Variants in PCDH15 observed in about 807,000 individuals in gnomAD.
PCDH15 encodes protocadherin-15.
Under a neutral mutation model 178.5 loss-of-function variants are expected in PCDH15, and 129 were observed. That is an observed-to-expected ratio of 0.72 (90% CI 0.63 to 0.84). The LOEUF is 0.84. Ranked by LOEUF, PCDH15 falls within the 40% of genes least tolerant of loss-of-function variation. The pLI, the probability that PCDH15 is intolerant of heterozygous loss-of-function variation, is 0.00. For missense variants in PCDH15, 2,230 were observed against 2,099.9 expected (o/e 1.06, Z -1.21); for synonymous variants, 800 against 732.0 (o/e 1.09, Z -1.50).
At chr10:54,293,553 T>G (rs2059560318) in intron 8 of PCDH15, among the ~76,000 whole-genome samples, 1 of 152,238 alleles carries the variant, frequency 6.6e-6, no homozygotes, top group Admixed American at 6.5e-5. Context: ...GGAGACAATT[T>G]TTGCAATCTA....
chr10:55,406,590 T>A (rs578231192), intron 2 of PCDH15, among the ~76,000 whole-genome samples: 1 of 152,138 alleles, frequency 6.6e-6, no homozygotes, highest in Non-Finnish European at 1.5e-5. Context: ...ACCAGCTTTG[T>A]TGGTATCACT....
intron 1 of PCDH15, among the ~76,000 whole-genome samples, chr10:55,319,092 A>T (rs904234347): frequency 6.6e-6 from 1 of 151,936 alleles, no homozygotes; most frequent in Non-Finnish European, 1.5e-5. Context: ...CGATTCCCCT[A>T]TGGAGTAGTA....
At chr10:53,892,502 C>T (rs1053361686) in intron 26 of PCDH15, among the ~76,000 whole-genome samples, 9 of 151,344 alleles carry the variant, frequency 5.9e-5, no homozygotes, top group Non-Finnish European at 1.2e-4. Context: ...GTCCCTTCTA[C>T]AATAACAAAC....
chr10:55,392,231 G>A (rs1265414548), intron 2 of PCDH15, among the ~76,000 whole-genome samples: 8 of 152,182 alleles, frequency 5.3e-5, no homozygotes. Flanking sequence ...AAATGTGGCA[G>A]AAACATAGAG....
chr10:54,123,785 A>G (rs2041759505), intron 15 of PCDH15, among the ~76,000 whole-genome samples: 1 of 152,190 alleles, frequency 6.6e-6, no homozygotes, highest in East Asian at 1.9e-4. Context: ...CATATAAAGA[A>G]AATGTGGCAC....
chr10:54,358,825 G>T (rs1294471709), intron 5 of PCDH15, among the ~76,000 whole-genome samples: 1 of 151,952 alleles, frequency 6.6e-6, no homozygotes, highest in South Asian at 2.1e-4. Context: ...GGAATACTAT[G>T]CAGCCATAAA....
intron 3 of PCDH15, among the ~76,000 whole-genome samples, chr10:54,891,252 A>T (rs1211681190): frequency 6.6e-6 from 1 of 152,118 alleles, no homozygotes; most frequent in African/African-American, 2.4e-5. Flanking sequence ...TTTAGAGGAA[A>T]TGCTGAGAGA....
chr10:54,923,913 C>T lies in PCDH15; in HGVS notation c.-79-26413G>A, dbSNP rs1837553174. 2.9e-5 allele frequency among the ~76,000 whole-genome samples: 4 copies of T among 137,988 alleles called. 1 individual carries two copies. Among genetic ancestry groups the T allele is most frequent in the Admixed American group, 2.8e-4 (4 of 14,050 alleles). The allele number at this position is 137,988 out of a possible 152,430, so 90.5% of individuals were successfully genotyped here. On this transcript the variant is annotated intron_variant, in intron 2 of 5. Coordinates refer to the PCDH15 transcript ENST00000458638. Reference sequence around the variant, plus strand: ...TTACCCAGTTCAAAAGATGCTTCCACATTTTCAGGTATCTTTATAACAAAG... The same window carrying T: ...TTACCCAGTTCAAAAGATGCTTCCATATTTTCAGGTATCTTTATAACAAAG...
intron 2 of PCDH15, among the ~76,000 whole-genome samples, chr10:55,433,404 G>A (rs1364858813): frequency 1.3e-5 from 2 of 152,070 alleles, no homozygotes; most frequent in Non-Finnish European, 2.9e-5. Flanking sequence ...TAACAACAGC[G>A]ACCATGGCCC....
chr10:54,161,837 C>T (rs936639231), intron 13 of PCDH15, among the ~76,000 whole-genome samples: 2 of 152,048 alleles, frequency 1.3e-5, no homozygotes, highest in African/African-American at 4.8e-5. Flanking sequence ...GCTATATAAA[C>T]CCCTAATTTT....
chr10:53,812,449 G>T (rs966178741), intron 35 of PCDH15, among the ~76,000 whole-genome samples: 1 of 151,868 alleles, frequency 6.6e-6, no homozygotes, highest in African/African-American at 2.4e-5. Flanking sequence ...TCCTGACCTC[G>T]TGATCAGCCC....
intron 2 of PCDH15, among the ~76,000 whole-genome samples, chr10:55,576,369 G>A (rs966588628): frequency 2.6e-5 from 4 of 152,148 alleles, no homozygotes; most frequent in African/African-American, 9.7e-5. Context: ...AGGCTGAGGA[G>A]AAAGAGGAAG....
chr10:55,296,231 T>C (rs2132273226), intron 1 of PCDH15, among the ~76,000 whole-genome samples: 2 of 152,098 alleles, frequency 1.3e-5, no homozygotes, highest in South Asian at 4.2e-4. Context: ...TGTTTAGAGG[T>C]TTTATGAAGT....
At chr10:54,298,955 G>C (rs1438367857) in intron 8 of PCDH15, among the ~76,000 whole-genome samples, 1 of 152,240 alleles carries the variant, frequency 6.6e-6, no homozygotes, top group Non-Finnish European at 1.5e-5. Context: ...AATATGGAAA[G>C]AAAGGGAGTT....
At chr10:54,388,432 G>C (rs1431949353) in intron 3 of PCDH15, among the ~76,000 whole-genome samples, 3 of 152,146 alleles carry the variant, frequency 2.0e-5, no homozygotes, top group African/African-American at 7.2e-5. Context: ...ACTTCAAGTT[G>C]CCCAGGCTCT....
intron 2 of PCDH15, among the ~76,000 whole-genome samples, chr10:55,340,924 T>C (rs979077712): frequency 2.1e-4 from 32 of 151,994 alleles, no homozygotes; most frequent in Non-Finnish European, 7.4e-5. Flanking sequence ...CACATTCTTA[T>C]AGACTATAAT....
At chr10:54,669,740 T>A (rs999140916) in intron 1 of PCDH15, among the ~76,000 whole-genome samples, 5 of 149,664 alleles carry the variant, frequency 3.3e-5, no homozygotes, top group Non-Finnish European at 7.4e-5. Flanking sequence ...GAATGTGTCT[T>A]GACTACCAAA....
intron 21 of PCDH15, among the ~76,000 whole-genome samples, chr10:53,990,978 T>C (rs1433327413): frequency 6.6e-6 from 1 of 152,084 alleles, no homozygotes; most frequent in African/African-American, 2.4e-5. Flanking sequence ...GAGGGTGCAC[T>C]GAGTCCCCCA....
At chr10:54,683,192 A>G (rs112162973) in intron 1 of PCDH15, among the ~76,000 whole-genome samples, 24 of 152,170 alleles carry the variant, frequency 1.6e-4, no homozygotes, top group African/African-American at 5.3e-4. Context: ...TAAAATGTAC[A>G]TAACATATAA....
Sources: allele counts gnomAD v4.1 joint callset (sites outside exome capture counted in the v4.1 genomes callset), GRCh38; gene constraint gnomAD v4.1.1; transcripts MANE v1.5; gene names NCBI Gene and HGNC (gene_info 2026-07-23, HGNC 2026-07-21).